The following MACROD2 variants were observed in gnomAD, a reference collection of about 807,000 sequenced individuals.
MACROD2 encodes ADP-ribose glycohydrolase MACROD2.
MACROD2 carries 36 observed loss-of-function variants against 70.4 expected under a neutral mutation model. The ratio of observed to expected loss-of-function variants is 0.51; its 90% CI spans 0.39 to 0.68. The LOEUF is 0.68. Among genes scored for constraint, MACROD2 ranks in the 30% least tolerant of loss-of-function variants. The probability of loss-of-function intolerance (pLI) is 0.00; values close to 1 mark genes in which losing one functional copy is unlikely to be tolerated. For missense variants in MACROD2, 496 were observed against 538.4 expected (o/e 0.92, Z 0.78); for synonymous variants, 172 against 178.8 (o/e 0.96, Z 0.30).
At chr20:14,931,154 C>T (rs1465730282) in intron 5 of MACROD2, among the ~76,000 whole-genome samples, 4 of 152,064 alleles carry the variant, frequency 2.6e-5, no homozygotes, top group African/African-American at 9.7e-5. Context: ...CCAGAAAACA[C>T]ATATAGACAC....
At chr20:15,190,461 A>G (rs571470045) in intron 5 of MACROD2, among the ~76,000 whole-genome samples, 1 of 152,280 alleles carries the variant, frequency 6.6e-6, no homozygotes, top group Non-Finnish European at 1.5e-5. Context: ...CTCGAGCATC[A>G]TTGGATCGTG....
intron 4 of MACROD2, among the ~76,000 whole-genome samples, chr20:14,637,438 G>C (rs1367110415): frequency 6.6e-6 from 1 of 152,190 alleles, no homozygotes; most frequent in Non-Finnish European, 1.5e-5. Flanking sequence ...CTAACTAGTA[G>C]TTATGTTGAG....
intron 10 of MACROD2, among the ~76,000 whole-genome samples, chr20:15,888,850 A>C (rs1450983684): frequency 6.6e-6 from 1 of 152,152 alleles, no homozygotes; most frequent in Non-Finnish European, 1.5e-5. Context: ...ATTGGTGTGC[A>C]TGCTGGCTTC....
At chr20:14,802,056 T>C (rs116433214) in intron 5 of MACROD2, among the ~76,000 whole-genome samples, 2,057 of 152,118 alleles carry the variant, frequency 0.014, 49 homozygotes, top group African/African-American at 0.047. Flanking sequence ...CTTTATCAAA[T>C]TACAGAACTT....
At chr20:15,842,753 G>GATAA (rs33937643) in intron 8 of MACROD2, among the ~76,000 whole-genome samples, 4 of 140,856 alleles carry the variant, frequency 2.8e-5, no homozygotes, top group Non-Finnish European at 3.1e-5. Flanking sequence ...TAGAGAAATA[G>GATAA]ACAGACAAAT....
At chr20:15,606,652 A>G (rs907847858) in intron 8 of MACROD2, among the ~76,000 whole-genome samples, 3 of 152,192 alleles carry the variant, frequency 2.0e-5, no homozygotes, top group African/African-American at 7.2e-5. Context: ...AAACTTTGCA[A>G]ATGCTTAATC....
At chr20:15,378,154 A>AAGAG (rs10534893) in intron 6 of MACROD2, among the ~76,000 whole-genome samples, 8 of 149,470 alleles carry the variant, frequency 5.4e-5, no homozygotes, top group African/African-American at 1.2e-4. Flanking sequence ...AAAATAAAAG[A>AAGAG]AGAGAGAGAG....
At chr20:15,683,087 A>C (rs561720103) in intron 8 of MACROD2, among the ~76,000 whole-genome samples, 2 of 152,356 alleles carry the variant, frequency 1.3e-5, no homozygotes, top group Non-Finnish European at 2.9e-5. Context: ...ATGGCATAAA[A>C]CTAAAAGGCC....
chr20:14,379,101 C>G (rs948736896), intron 3 of MACROD2, among the ~76,000 whole-genome samples: 24 of 152,138 alleles, frequency 1.6e-4, no homozygotes, highest in African/African-American at 5.3e-4. Flanking sequence ...GAGATATTAA[C>G]TCTTTGAATC....
Position 14,842,834 on chromosome 20 carries a change from A to AATATTCAATC in MACROD2, c.418+157877_418+157886dup, listed in dbSNP as rs1444282524. Among the ~76,000 whole-genome samples the AATATTCAATC allele has an allele frequency of 1.2e-4, 19 of 152,240 alleles. No homozygotes were observed. In the South Asian group the frequency reaches 3.9e-3, roughly 32 times the overall value. ...AGTCTTCAGTGAAACAACAGAGTCC[A>AATATTCAATC]ATATTCAATCAGAAAAGAAAATGAA... On this transcript the variant is annotated intron_variant, in intron 5 of 17. Transcript: ENST00000684519.
chr20:15,238,114 A>G (rs900409980), intron 6 of MACROD2, among the ~76,000 whole-genome samples: 1 of 152,222 alleles, frequency 6.6e-6, no homozygotes, highest in African/African-American at 2.4e-5. Flanking sequence ...GATAGAATTG[A>G]GAGCATTGGT....
In MACROD2 at chr20:15,332,492, A is replaced by C. The variant is rs1047169602; in HGVS notation, c.541-98913A>C. 5.3e-5 allele frequency among the ~76,000 whole-genome samples: 8 copies of C among 151,612 alleles called. 1 individual carries two copies. Among genetic ancestry groups the C allele is most frequent in the African/African-American group, 2.0e-4 (8 of 40,976 alleles). On this transcript the variant is annotated intron_variant, in intron 6 of 17. Transcript: ENST00000684519. Reference sequence around the variant, plus strand: ...TATATGTGATGAATTAATGTGATTAATTTATAATTGATTTAGATAAAAACA... The same window carrying C: ...TATATGTGATGAATTAATGTGATTACTTTATAATTGATTTAGATAAAAACA...
chr20:14,661,673 C>G (rs1437788807), intron 4 of MACROD2, among the ~76,000 whole-genome samples: 5 of 150,638 alleles, frequency 3.3e-5, no homozygotes, highest in African/African-American at 4.9e-5. Flanking sequence ...CTAGGTAGAG[C>G]AAAACTTTAA....
intron 8 of MACROD2, among the ~76,000 whole-genome samples, chr20:15,741,436 C>A (rs1309399884): frequency 6.6e-6 from 1 of 151,986 alleles, no homozygotes; most frequent in Non-Finnish European, 1.5e-5. Context: ...ACTGATATTG[C>A]CTCACCTCAC....
At position 15,165,484 on chromosome 20, in the gene MACROD2, C is replaced by T. The variant is rs183877534; in HGVS notation, c.419-64456C>T. Among the ~76,000 whole-genome samples the T allele has an allele frequency of 2.6e-3, 402 of 152,192 alleles. 4 individuals are homozygous for T. The highest frequency in any genetic ancestry group is 3.8e-3 in the Non-Finnish European group (259 of 68,002). The stretch of plus-strand genomic sequence containing the variant: ...AAGAACAACTAGACACAAATAAATT[C>T]GGAAACTTAGATATGATGAACAAAT... On this transcript the variant is annotated intron_variant, in intron 5 of 17. Transcript: ENST00000684519.
chr20:15,989,616 A>G (rs148638943), intron 15 of MACROD2, among the ~76,000 whole-genome samples: 2,648 of 152,252 alleles, frequency 0.017, 85 homozygotes, highest in African/African-American at 0.06. Context: ...GTTATTAAAA[A>G]GTCTTGTTTG....
chr20:14,705,153 C>T (rs1258866039), intron 5 of MACROD2, among the ~76,000 whole-genome samples: 1 of 152,026 alleles, frequency 6.6e-6, no homozygotes, highest in Non-Finnish European at 1.5e-5. Flanking sequence ...ACACCACTTT[C>T]TTAACTATCC....
At chr20:14,739,448 G>T (rs188139292) in intron 5 of MACROD2, among the ~76,000 whole-genome samples, 1 of 151,774 alleles carries the variant, frequency 6.6e-6, no homozygotes, top group East Asian at 1.9e-4. Context: ...TTACCTGTGG[G>T]GTAGATGAGG....
chr20:14,790,965 C>T (rs2123801748), intron 5 of MACROD2, among the ~76,000 whole-genome samples: 1 of 152,188 alleles, frequency 6.6e-6, no homozygotes, highest in Non-Finnish European at 1.5e-5. Context: ...TGAGGCAGAA[C>T]ATCGACAGCT....
Sources: allele counts gnomAD v4.1 joint callset (sites outside exome capture counted in the v4.1 genomes callset), GRCh38; gene constraint gnomAD v4.1.1; transcripts MANE v1.5; gene names NCBI Gene and HGNC (gene_info 2026-07-23, HGNC 2026-07-21).